NRIP1: variants seen among roughly 807,000 people sequenced by gnomAD.
NRIP1 encodes the protein nuclear receptor interacting protein 1.
A neutral mutation model predicts 75.0 loss-of-function variants in NRIP1; 28 were observed. The observed-to-expected ratio is 0.37, with a 90% CI of 0.28 to 0.51. The LOEUF (loss-of-function observed/expected upper bound fraction) is 0.51. NRIP1 is among the 20% of genes least tolerant of loss of function. The pLI is 0.92. For synonymous variants in NRIP1, 526 were observed against 487.6 expected (o/e 1.08, Z -1.04); for missense variants, 1,435 against 1,343.7 (o/e 1.07, Z -1.06).
chr21:15,002,010 C>G (rs990406747), intron 3 of NRIP1, among the ~76,000 whole-genome samples: 4 of 152,164 alleles, frequency 2.6e-5, no homozygotes, highest in African/African-American at 7.2e-5. Flanking sequence ...CAAATGAACT[C>G]TCTTGGACTG....
chr21:14,967,091 T>C lies in NRIP1; in HGVS notation c.1102A>G (p.Arg368Gly), dbSNP rs771279231. 4 of 1,613,994 alleles carry C rather than the reference T, an allele frequency of 2.5e-6. No homozygotes were observed. Among genetic ancestry groups the C allele is most frequent in the African/African-American group, 2.7e-5 (2 of 74,922 alleles). ...KNAGYKNSLE[R>G]NNIKQAANNS... ...TTAGCAGCTTGTTTTATATTGTTTC[T>C]TTCCAGTGAGTTCTTATAACCTGCA... Residue 368 changes from arginine to glycine, a missense_variant, in exon 4 of 4, where the codon AGA becomes GGA. By Grantham distance (125) the Arg-to-Gly change is moderately radical (BLOSUM62 -2). Transcript: ENST00000318948.
rs199841733 is a variant in NRIP1, at chr21:14,966,036, G to A, written c.2157C>T (p.Asn719=). ...TTTTTTCACTCTTCCCTTTGTTGGG[G>A]TTCCCCAGGAGCAACTGGAGGACAG... ...RRTVLQLLLG[N]PNKGKSEKKE... Residue 719 remains asparagine (N), a synonymous_variant, in exon 4 of 4, where the codon AAC becomes AAT. Coordinates refer to ENST00000318948, the MANE Select transcript of NRIP1 (RefSeq NM_003489.4). 4.3e-6 allele frequency: 7 copies of A among 1,611,624 alleles called. No individual in the cohort carries two copies. The highest frequency in any genetic ancestry group is 4.2e-6 in the Non-Finnish European group (5 of 1,179,518).
intron 3 of NRIP1, among the ~76,000 whole-genome samples, chr21:15,005,643 T>A (rs2087950713): frequency 6.6e-6 from 1 of 152,202 alleles, no homozygotes; most frequent in Non-Finnish European, 1.5e-5. Flanking sequence ...TAATCTGGGC[T>A]GCTCTTAGCA....
In NRIP1 at chr21:14,963,799, G is replaced by T. The variant is rs1042883569; in HGVS notation, c.*917C>A. 7.9e-5 allele frequency: 12 copies of T among 152,112 alleles called. No individual in the cohort carries two copies. The highest frequency in any genetic ancestry group is 2.7e-4 in the African/African-American group (11 of 41,416). 9.4% of individuals were successfully genotyped at this position (152,112 alleles called of 1,614,324 possible). On this transcript the variant is annotated 3_prime_UTR_variant, in exon 4 of 4. Coordinates refer to ENST00000318948, the MANE Select transcript of NRIP1 (RefSeq NM_003489.4). ...CTGAGTTCAGGTTTAAGGAATCCTGGTCATAACACTCGCAGGTACCACAGG... is the reference window on the plus strand; with the variant it reads ...CTGAGTTCAGGTTTAAGGAATCCTGTTCATAACACTCGCAGGTACCACAGG...
At chr21:14,983,260 G>A (rs1189688178) in intron 3 of NRIP1, among the ~76,000 whole-genome samples, 10 of 150,844 alleles carry the variant, frequency 6.6e-5, no homozygotes, top group African/African-American at 2.4e-4. Context: ...TCACTCCAGT[G>A]AACACATGAA....
intron 3 of NRIP1, among the ~76,000 whole-genome samples, chr21:14,995,306 GAGA>G (rs2077959381): frequency 6.6e-6 from 1 of 152,214 alleles, no homozygotes; most frequent in African/African-American, 2.4e-5. Flanking sequence ...ACAAAAGAGG[GAGA>G]AGGAGTCCTA....
intron 3 of NRIP1, among the ~76,000 whole-genome samples, chr21:15,011,497 C>CT (rs199584035): frequency 1.3e-5 from 2 of 151,914 alleles, no homozygotes; most frequent in Admixed American, 1.3e-4. Context: ...AGTACTGGCC[C>CT]TTTTTTAAAA....
rs568898353 is a variant in NRIP1, at chr21:15,040,777, T to C, written c.-458+2718A>G. ...TACATATTATAATGGAATCAGAAAA[T>C]AGGTAACTTATTTTTTAATAGATGG... is the stretch of plus-strand genomic sequence containing the variant. On this transcript the variant is annotated intron_variant, in intron 2 of 3. Coordinates refer to ENST00000318948, the MANE Select transcript of NRIP1 (RefSeq NM_003489.4). Among the ~76,000 whole-genome samples the C allele has an allele frequency of 3.0e-4, 45 of 152,152 alleles. 1 individual carries two copies. The South Asian group carries it at 8.9e-3, about 30-fold the overall frequency.
intron 3 of NRIP1, among the ~76,000 whole-genome samples, chr21:14,979,067 C>T (rs2087158632): frequency 6.6e-6 from 1 of 152,158 alleles, no homozygotes; most frequent in African/African-American, 2.4e-5. Flanking sequence ...CTATTCACTA[C>T]CTTCTACTGT....
At chr21:14,989,639 T>C (rs1397894841) in intron 3 of NRIP1, among the ~76,000 whole-genome samples, 2 of 152,206 alleles carry the variant, frequency 1.3e-5, no homozygotes, top group African/African-American at 2.4e-5. Flanking sequence ...TTAACTGATG[T>C]TGAAGAACTT....
intron 1 of NRIP1, chr21:15,050,113 T>C (rs1330540225): frequency 6.5e-6 from 1 of 152,676 alleles, no homozygotes; most frequent in Non-Finnish European, 1.5e-5. Context: ...TGACCACATC[T>C]TGGTATTTTA....
intron 3 of NRIP1, among the ~76,000 whole-genome samples, chr21:15,002,891 A>G (rs574252241): frequency 4.2e-4 from 64 of 152,240 alleles, no homozygotes; most frequent in Non-Finnish European, 9.0e-4. Flanking sequence ...TAAGACATAC[A>G]AAAGATTTTC....
intron 3 of NRIP1, chr21:14,992,495 T>C (rs1429813796): frequency 3.3e-5 from 5 of 152,206 alleles, no homozygotes; most frequent in Non-Finnish European, 7.3e-5. Flanking sequence ...AGAATGCTAT[T>C]CAAGCTTTTA....
chr21:14,990,827 A>G (rs1446108682), intron 3 of NRIP1, among the ~76,000 whole-genome samples: 1 of 152,196 alleles, frequency 6.6e-6, no homozygotes, highest in African/African-American at 2.4e-5. Flanking sequence ...TTCTAGCATC[A>G]TATGCCTGTA....
At chr21:15,033,457 C>T (rs2147275613) in intron 2 of NRIP1, among the ~76,000 whole-genome samples, 1 of 152,212 alleles carries the variant, frequency 6.6e-6, no homozygotes, top group Admixed American at 6.5e-5. Context: ...TTCAAAACCA[C>T]CACATCACAG....
chr21:14,998,725 A>G lies in NRIP1; in HGVS notation c.-335+15619T>C, dbSNP rs182777093. ...TACTTCCACTTAGCAAAGAGTGAAT[A>G]TATTTTCTCTTCCTTATAGTTTTCT... On this transcript the variant is annotated intron_variant, in intron 3 of 3. Transcript: ENST00000318948. Among the ~76,000 whole-genome samples the G allele has an allele frequency of 1.8e-3, 276 of 152,304 alleles. 1 individual carries two copies. The highest frequency in any genetic ancestry group is 6.3e-3 in the African/African-American group (262 of 41,574).
At chr21:14,994,684 T>C (rs192976996) in intron 3 of NRIP1, among the ~76,000 whole-genome samples, 10 of 152,296 alleles carry the variant, frequency 6.6e-5, no homozygotes, top group Admixed American at 6.5e-4. Flanking sequence ...GACATTTCAT[T>C]TCAAAGATAC....
At chr21:14,990,168 A>G (rs1418737004) in intron 3 of NRIP1, among the ~76,000 whole-genome samples, 1 of 152,178 alleles carries the variant, frequency 6.6e-6, no homozygotes, top group Non-Finnish European at 1.5e-5. Context: ...GAAGGTGAGC[A>G]TGTACTCTTT....
rs139329949 is a variant in NRIP1, at chr21:14,993,582, G to A, written c.-335+20762C>T. ...AGTTATGAAAATTAAAGATGACAAC[G>A]TCAGCCTGGGCAACACAGCGAGACC... On this transcript the variant is annotated intron_variant, in intron 3 of 3. Coordinates refer to ENST00000318948, the MANE Select transcript of NRIP1 (RefSeq NM_003489.4). 4.6e-5 allele frequency among the ~76,000 whole-genome samples: 7 copies of A among 152,026 alleles called. No homozygotes were observed. The East Asian group carries it at 9.7e-4, about 21-fold the overall frequency.
Sources: allele counts gnomAD v4.1 joint callset (sites outside exome capture counted in the v4.1 genomes callset), GRCh38; gene constraint gnomAD v4.1.1; transcripts MANE v1.5; gene names NCBI Gene and HGNC (gene_info 2026-07-23, HGNC 2026-07-21).